The following RNF150 variants were observed in gnomAD, a reference collection of about 807,000 sequenced individuals.
The protein encoded by RNF150 is ring finger protein 150.
RNF150 carries 24 observed loss-of-function variants against 39.3 expected under a neutral mutation model. The ratio of observed to expected loss-of-function variants is 0.61; its 90% confidence interval spans 0.44 to 0.86. The LOEUF is 0.86. RNF150 is among the 40% of genes least tolerant of loss of function. RNF150 has a pLI of 0.00. For missense variants in RNF150, 502 were observed against 587.8 expected, an observed-to-expected ratio of 0.85 and a Z score of 1.51; for synonymous variants, 255 against 227.3, an observed-to-expected ratio of 1.12 and a Z score of -1.10.
chr4:141,179,549 T>C (rs1257724744), intron 1 of RNF150, among the ~76,000 whole-genome samples: 3 of 152,194 alleles, frequency 2.0e-5, no homozygotes, highest in African/African-American at 4.8e-5. Flanking sequence ...TTCATATTTC[T>C]ATACAGGCAC....
At chr4:140,924,405 C>T (rs1360191837) in intron 5 of RNF150, among the ~76,000 whole-genome samples, 1 of 152,162 alleles carries the variant, frequency 6.6e-6, no homozygotes, top group African/African-American at 2.4e-5. Context: ...CTCTTTAGTA[C>T]AAAATTGAAC....
At chr4:141,052,174 G>A (rs1038842611) in intron 1 of RNF150, among the ~76,000 whole-genome samples, 1 of 151,926 alleles carries the variant, frequency 6.6e-6, no homozygotes, top group African/African-American at 2.4e-5. Context: ...CATGACACAT[G>A]AGAATTGTAG....
intron 1 of RNF150, among the ~76,000 whole-genome samples, chr4:141,117,410 A>G (rs1726442315): frequency 6.6e-6 from 1 of 152,174 alleles, no homozygotes; most frequent in Admixed American, 6.5e-5. Context: ...ATGTGGTATA[A>G]ATGTCCACAG....
chr4:140,973,528 C>T (rs888655966), intron 1 of RNF150, among the ~76,000 whole-genome samples: 2 of 145,670 alleles, frequency 1.4e-5, no homozygotes, highest in Non-Finnish European at 3.0e-5. Context: ...ATTTCTTATA[C>T]CCCTCTCATT....
Position 141,027,938 on chromosome 4 carries a change from T to TG in RNF150, c.485-60066_485-60065insC, listed in dbSNP as rs1265652928. ...TTTTTTTTTTTTTGTTTTTTTTTTT[T>TG]TTTTTTTTTTTTTTCAATCCTGCTG... is the stretch of plus-strand genomic sequence containing the variant. On this transcript the variant is annotated intron_variant, in intron 1 of 6. Transcript: ENST00000515673. Among the ~76,000 whole-genome samples, 85 of 130,826 alleles carry TG rather than the reference T, an allele frequency of 6.5e-4. 1 individual carries two copies. Among genetic ancestry groups the TG allele is most frequent in the African/African-American group, 2.2e-3 (76 of 34,836 alleles). 85.8% of individuals were successfully genotyped at this position (130,826 alleles called of 152,430 possible).
intron 1 of RNF150, among the ~76,000 whole-genome samples, chr4:141,153,047 A>G (rs551271822): frequency 6.6e-6 from 1 of 152,290 alleles, no homozygotes; most frequent in South Asian, 2.1e-4. Context: ...CATCTTAATT[A>G]TGCACTTTGC....
At chr4:140,870,378 G>T (rs1728881414) in intron 6 of RNF150, among the ~76,000 whole-genome samples, 1 of 152,006 alleles carries the variant, frequency 6.6e-6, no homozygotes, top group Non-Finnish European at 1.5e-5. Flanking sequence ...AGTGAAACTG[G>T]ATCTGTGCCT....
At chr4:141,092,213 G>A (rs1489348691) in intron 1 of RNF150, among the ~76,000 whole-genome samples, 1 of 151,890 alleles carries the variant, frequency 6.6e-6, no homozygotes, top group Non-Finnish European at 1.5e-5. Flanking sequence ...GCATGGTGGT[G>A]GTGCCTGTAA....
chr4:140,955,534 T>C (rs1045600578), intron 2 of RNF150, among the ~76,000 whole-genome samples: 135 of 152,266 alleles, frequency 8.9e-4, no homozygotes, highest in African/African-American at 3.1e-3. Context: ...CAGCTCATGA[T>C]TTTCATCCAT....
intron 1 of RNF150, among the ~76,000 whole-genome samples, chr4:141,035,135 A>C (rs1033051499): frequency 3.9e-5 from 6 of 152,220 alleles, no homozygotes; most frequent in African/African-American, 1.4e-4. Context: ...TAGCTCCAAC[A>C]AGTTTTAACG....
chr4:141,170,423 G>T lies in RNF150; in HGVS notation c.-6+42371C>A, dbSNP rs148903238. The stretch of plus-strand genomic sequence containing the variant: ...AGGTTGCCTCTAGATTATCAGAGCT[G>T]TCAAAATCCATTTTTTACACAACAG... On this transcript the variant is annotated intron_variant, in intron 1 of 7. Transcript: ENST00000420921. Among the ~76,000 whole-genome samples the T allele has an allele frequency of 2.3e-3, 351 of 152,236 alleles. 1 individual carries two copies. The highest frequency in any genetic ancestry group is 7.4e-3 in the African/African-American group (307 of 41,536).
intron 1 of RNF150, among the ~76,000 whole-genome samples, chr4:141,073,863 G>A (rs1333530424): frequency 6.6e-6 from 1 of 152,072 alleles, no homozygotes; most frequent in Admixed American, 6.5e-5. Flanking sequence ...GAGAGGGAAG[G>A]AAAAGGGTCT....
intron 1 of RNF150, among the ~76,000 whole-genome samples, chr4:141,070,862 C>G (rs373680944): frequency 2.7e-5 from 4 of 149,924 alleles, no homozygotes; most frequent in Non-Finnish European, 5.9e-5. Flanking sequence ...TACCATTTGA[C>G]CCAGCCATCC....
intron 5 of RNF150, among the ~76,000 whole-genome samples, chr4:140,925,311 C>T (rs933432193): frequency 2.0e-5 from 3 of 152,184 alleles, no homozygotes; most frequent in Non-Finnish European, 4.4e-5. Flanking sequence ...GAAAGTCTCC[C>T]TGGAGCATCA....
chr4:140,995,855 AT>A (rs1175473364), intron 1 of RNF150, among the ~76,000 whole-genome samples: 17 of 152,144 alleles, frequency 1.1e-4, no homozygotes, highest in African/African-American at 4.1e-4. Context: ...TATGTACCAC[AT>A]TTTCTTTGTC....
At chr4:141,146,552 A>G (rs959953714) in intron 1 of RNF150, among the ~76,000 whole-genome samples, 1 of 150,074 alleles carries the variant, frequency 6.7e-6, no homozygotes, top group Non-Finnish European at 1.5e-5. Context: ...TAAGAGTAAT[A>G]TGCAACAACT....
intron 1 of RNF150, among the ~76,000 whole-genome samples, chr4:141,154,345 T>C (rs930270762): frequency 6.6e-6 from 1 of 152,206 alleles, no homozygotes; most frequent in African/African-American, 2.4e-5. Context: ...ATGAGGAACA[T>C]CACAGGCCTG....
chr4:141,162,626 G>T (rs531783432), intron 1 of RNF150, among the ~76,000 whole-genome samples: 2 of 152,160 alleles, frequency 1.3e-5, no homozygotes, highest in South Asian at 2.1e-4. Flanking sequence ...CATTGGGACT[G>T]GTTAGAGAGT....
chr4:141,042,783 C>G (rs1736419218), intron 1 of RNF150, among the ~76,000 whole-genome samples: 1 of 152,074 alleles, frequency 6.6e-6, no homozygotes, highest in Non-Finnish European at 1.5e-5. Context: ...TCCCCTTCCG[C>G]CCATGTGTTC....
Sources: gnomAD v4.1 joint callset for allele counts (sites outside exome capture counted in the v4.1 genomes callset) on GRCh38, gnomAD v4.1.1 for gene constraint, MANE v1.5 for transcripts, NCBI Gene and HGNC (gene_info 2026-07-23, HGNC 2026-07-21) for gene names.